Variants in BCAT1 observed in about 807,000 individuals in gnomAD.
BCAT1 encodes the protein branched-chain-amino-acid aminotransferase, cytosolic.
Under a neutral mutation model 52.4 loss-of-function variants are expected in BCAT1, and 48 were observed. The observed-to-expected ratio is 0.92, with a 90% CI of 0.73 to 1.16. BCAT1 has a LOEUF of 1.16. Among genes scored for constraint, BCAT1 ranks in the 50% most tolerant of loss-of-function variants. The probability of loss-of-function intolerance (pLI) is 0.00; values close to 1 mark genes in which losing one functional copy is unlikely to be tolerated. For synonymous variants in BCAT1, 167 were observed against 161.3 expected (o/e 1.04, Z -0.27); for missense variants, 451 against 457.1 (o/e 0.99, Z 0.12).
intron 8 of BCAT1, 94 bp from the exon 9 acceptor site, chr12:24,832,957 C>G: frequency 7.7e-7 from 1 of 1,292,258 alleles, no homozygotes; most frequent in Admixed American, 2.4e-5. Flanking sequence ...ATTCTGATTG[C>G]ACTTAGACAA....
chr12:24,842,660 A>G (rs1941209845), intron 6 of BCAT1, among the ~76,000 whole-genome samples: 1 of 152,174 alleles, frequency 6.6e-6, no homozygotes, highest in Non-Finnish European at 1.5e-5. Flanking sequence ...AACTTCTGTC[A>G]AGTTGCAATA....
chr12:24,918,258 A>G (rs1943448320), intron 1 of BCAT1, among the ~76,000 whole-genome samples: 1 of 152,230 alleles, frequency 6.6e-6, no homozygotes, highest in African/African-American at 2.4e-5. Flanking sequence ...GACACTGCAG[A>G]GTAGAGCTAA....
Position 24,849,882 on chromosome 12 carries a change from TA to T in BCAT1, c.577del (p.Tyr193IlefsTer19). ...TGGATTAAAGGTTCCACTTGAAAAA[TA>T]AGGTCCCACTGGGCTCAAGAGTACA... ...LFVLLSPVGP[Y>X]FSSGTFNPVS... On this transcript the variant is annotated frameshift_variant, in exon 6 of 11. Transcript: ENST00000261192. LOFTEE classifies it high-confidence loss of function. 6.2e-7 allele frequency: 1 copy of T among 1,613,690 alleles called. No individual in the cohort carries two copies. Among genetic ancestry groups the T allele is most frequent in the Non-Finnish European group, 8.5e-7 (1 of 1,179,776 alleles).
At chr12:24,848,165 A>C (rs551319411) in intron 6 of BCAT1, among the ~76,000 whole-genome samples, 27 of 152,310 alleles carry the variant, frequency 1.8e-4, no homozygotes, top group African/African-American at 6.3e-4. Context: ...ATTTCCATGG[A>C]TCATAGTCCA....
intron 8 of BCAT1, chr12:24,834,690 A>T: frequency 9.8e-7 from 1 of 1,024,788 alleles, no homozygotes; most frequent in Non-Finnish European, 1.2e-6. Flanking sequence ...TGCAATAGAA[A>T]TATGGCTCTT....
intron 1 of BCAT1, among the ~76,000 whole-genome samples, chr12:24,933,113 T>C (rs75985404): frequency 6.3e-5 from 1 of 15,870 alleles, no homozygotes; most frequent in Admixed American, 6.1e-4. Flanking sequence ...CCTGGCCTTT[T>C]TTTTTTTTTT....
chr12:24,902,514 G>C lies in BCAT1; in HGVS notation c.7-629C>G, dbSNP rs554332259. On this transcript the variant is annotated intron_variant, in intron 1 of 10. Transcript: ENST00000261192. ...TAATCTGCTAAATAACTACGGGGGT[G>C]GGGGTGGGGAAGGAAGAGATCCAAG... The C allele has an allele frequency of 2.7e-5, 17 of 636,794 alleles. No individual in the cohort carries two copies. The South Asian group carries it at 8.3e-4, about 31-fold the overall frequency. The allele number at this position is 636,794 out of a possible 1,614,324, so 39.4% of individuals were successfully genotyped here. A position where few individuals can be genotyped will look rare whatever the true frequency, so the allele number is the denominator to read the frequency against.
At chr12:24,872,112 G>A (rs938608741) in intron 5 of BCAT1, among the ~76,000 whole-genome samples, 2 of 152,092 alleles carry the variant, frequency 1.3e-5, no homozygotes, top group African/African-American at 4.8e-5. Flanking sequence ...GTAAAGTAAA[G>A]GAAAAAGATG....
At chr12:24,908,115 G>A (rs370702423) in intron 1 of BCAT1, among the ~76,000 whole-genome samples, 3 of 152,110 alleles carry the variant, frequency 2.0e-5, no homozygotes, top group African/African-American at 7.2e-5. Context: ...ATGTTCTCAG[G>A]GTCCACTCCA....
At chr12:24,866,869 A>C (rs1942033790) in intron 5 of BCAT1, among the ~76,000 whole-genome samples, 1 of 152,084 alleles carries the variant, frequency 6.6e-6, no homozygotes, top group Non-Finnish European at 1.5e-5. Flanking sequence ...AGAGAATAAA[A>C]GCAGGCTGCC....
chr12:24,916,570 G>T (rs1450867016), intron 1 of BCAT1, among the ~76,000 whole-genome samples: 1 of 151,982 alleles, frequency 6.6e-6, no homozygotes, highest in Non-Finnish European at 1.5e-5. Flanking sequence ...ATAGAGTCTC[G>T]CTCTTGTCCC....
intron 1 of BCAT1, among the ~76,000 whole-genome samples, chr12:24,934,793 T>C (rs1211476121): frequency 1.3e-5 from 2 of 152,174 alleles, no homozygotes; most frequent in Admixed American, 1.3e-4. Context: ...CCTCAGGTGA[T>C]CCACCTGTTT....
intron 1 of BCAT1, among the ~76,000 whole-genome samples, chr12:24,915,369 G>A (rs993031358): frequency 1.6e-4 from 25 of 151,958 alleles, no homozygotes; most frequent in African/African-American, 5.8e-4. Flanking sequence ...ATCTTGGTGG[G>A]CAAGAGAAAT....
At chr12:24,829,007 A>T (rs1366362562) in intron 10 of BCAT1, among the ~76,000 whole-genome samples, 1 of 143,968 alleles carries the variant, frequency 6.9e-6, no homozygotes, top group Non-Finnish European at 1.5e-5. Context: ...ACTTAGTCTC[A>T]AAAATAAATA....
intron 5 of BCAT1, among the ~76,000 whole-genome samples, chr12:24,866,387 C>T (rs1202248212): frequency 1.3e-5 from 2 of 152,242 alleles, no homozygotes; most frequent in Non-Finnish European, 2.9e-5. Context: ...CCCCCGCCAC[C>T]GCTGTGGGAT....
At chr12:24,820,591 CG>C (rs769701133) in intron 10 of BCAT1, among the ~76,000 whole-genome samples, 39 of 151,986 alleles carry the variant, frequency 2.6e-4, no homozygotes, top group Non-Finnish European at 4.0e-4. Context: ...TTTGGTAGGG[CG>C]GCTGTAAGTC....
At chr12:24,920,767 T>G (rs1026604937) in intron 1 of BCAT1, among the ~76,000 whole-genome samples, 2 of 152,212 alleles carry the variant, frequency 1.3e-5, no homozygotes. Flanking sequence ...CAGTCATAAG[T>G]TCAGGTCTCT....
chr12:24,893,988 C>T (rs1268022188), intron 3 of BCAT1, among the ~76,000 whole-genome samples: 1 of 152,196 alleles, frequency 6.6e-6, no homozygotes, highest in African/African-American at 2.4e-5. Context: ...AAATTATCAA[C>T]AGTGCTGGCT....
At chr12:24,834,083 GC>G (rs1280205094) in intron 8 of BCAT1, 1 of 920,602 alleles carries the variant, frequency 1.1e-6, no homozygotes, top group African/African-American at 1.8e-5. Flanking sequence ...CTCCCAAAGT[GC>G]CAAAGTGCTG....
Sources: allele counts gnomAD v4.1 joint callset (sites outside exome capture counted in the v4.1 genomes callset), GRCh38; gene constraint gnomAD v4.1.1; transcripts MANE v1.5; gene names NCBI Gene and HGNC (gene_info 2026-07-23, HGNC 2026-07-21).